Variants in ERC2 observed in about 807,000 individuals in gnomAD.
ERC2 encodes the protein ERC protein 2.
In ERC2, 42 loss-of-function variants were observed where a neutral mutation model predicts 114.8. The observed-to-expected ratio is 0.37, with a 90% CI of 0.29 to 0.47. The LOEUF is 0.47. ERC2 is among the 20% of genes least tolerant of loss of function. The pLI is 0.99. For missense variants in ERC2, 939 were observed against 1,150.7 expected, an observed-to-expected ratio of 0.82 and a Z score of 2.66; for synonymous variants, 454 against 425.5, an observed-to-expected ratio of 1.07 and a Z score of -0.82.
At chr3:56,229,728 G>GA (rs2050482823) in intron 3 of ERC2, among the ~76,000 whole-genome samples, 1 of 151,888 alleles carries the variant, frequency 6.6e-6, no homozygotes, top group Admixed American at 6.6e-5. Flanking sequence ...AATAATAAAT[G>GA]AAAAATGAGA....
Position 55,589,317 on chromosome 3 carries a change from C to A in ERC2, c.*40-78041G>T, listed in dbSNP as rs139872772. On this transcript the variant is annotated intron_variant, in intron 17 of 17. Transcript: ENST00000288221. ...AAAACCATGTGCTTAGAGCACTCAG[C>A]CCAGTGGTTGGTGCGCAAACGAGCA... Among the ~76,000 whole-genome samples the A allele has an allele frequency of 4.4e-3, 671 of 152,070 alleles. 2 individuals carry two copies. Among genetic ancestry groups the A allele is most frequent in the Middle Eastern group, 0.014 (4 of 292 alleles).
chr3:55,794,617 T>G (rs2070328142), intron 14 of ERC2, among the ~76,000 whole-genome samples: 1 of 152,350 alleles, frequency 6.6e-6, no homozygotes, highest in South Asian at 2.1e-4. Context: ...CTTTCATACC[T>G]GTGTGAAAGC....
intron 13 of ERC2, among the ~76,000 whole-genome samples, chr3:55,892,018 G>T (rs1438497031): frequency 6.6e-6 from 1 of 152,044 alleles, no homozygotes; most frequent in African/African-American, 2.4e-5. Context: ...GCATTATTAC[G>T]GTGTGAGTGA....
At chr3:55,576,464 G>A (rs541633003) in intron 17 of ERC2, among the ~76,000 whole-genome samples, 5 of 152,292 alleles carry the variant, frequency 3.3e-5, no homozygotes, top group African/African-American at 1.2e-4. Flanking sequence ...TGAGGAAACC[G>A]ATGCTTAGGG....
chr3:55,989,484 T>C (rs1483391851), intron 11 of ERC2, among the ~76,000 whole-genome samples: 1 of 152,206 alleles, frequency 6.6e-6, no homozygotes, highest in Non-Finnish European at 1.5e-5. Context: ...TGTATGCTAA[T>C]AAAGAGGTAG....
intron 13 of ERC2, among the ~76,000 whole-genome samples, chr3:55,949,444 A>G (rs1416157259): frequency 1.3e-5 from 2 of 152,018 alleles, no homozygotes; most frequent in South Asian, 4.1e-4. Context: ...TCAAGCATCA[A>G]TGTAAAGGGC....
At chr3:56,239,868 C>A (rs1325884940) in intron 3 of ERC2, among the ~76,000 whole-genome samples, 1 of 152,172 alleles carries the variant, frequency 6.6e-6, no homozygotes, top group Non-Finnish European at 1.5e-5. Flanking sequence ...TACAGTTAAG[C>A]AGAACCTCCT....
chr3:55,583,058 G>A (rs755162499), intron 17 of ERC2, among the ~76,000 whole-genome samples: 1 of 152,202 alleles, frequency 6.6e-6, no homozygotes, highest in Non-Finnish European at 1.5e-5. Flanking sequence ...AACATAGTAA[G>A]TACTAATTAG....
intron 13 of ERC2, among the ~76,000 whole-genome samples, chr3:55,911,985 G>A (rs769567278): frequency 8.5e-5 from 13 of 152,140 alleles, no homozygotes; most frequent in Non-Finnish European, 1.5e-4. Flanking sequence ...ACACTTAAAG[G>A]GGCATGCAGA....
chr3:56,291,236 G>A (rs1321625417), intron 3 of ERC2, among the ~76,000 whole-genome samples: 3 of 152,180 alleles, frequency 2.0e-5, no homozygotes, highest in African/African-American at 4.8e-5. Context: ...CAAGGTAAAC[G>A]TCAAACAATG....
rs192756334 is a variant in ERC2 at position 55,628,013 on chromosome 3, T to A, written c.*39+55781A>T. Among the ~76,000 whole-genome samples the A allele has an allele frequency of 2.0e-3, 299 of 152,184 alleles. 1 individual carries two copies. Among genetic ancestry groups the A allele is most frequent in the African/African-American group, 6.7e-3 (280 of 41,532 alleles). ...TTAATTTTGAGTAAGTTTAGAATTT[T>A]TTTCAGAAAATTGTATCTAATTTTT... On this transcript the variant is annotated intron_variant, in intron 17 of 17. Transcript: ENST00000288221.
At chr3:56,429,079 T>C (rs1317029398) in intron 2 of ERC2, among the ~76,000 whole-genome samples, 2 of 152,182 alleles carry the variant, frequency 1.3e-5, no homozygotes, top group African/African-American at 4.8e-5. Context: ...AGTCAGTAAC[T>C]CTTATGTACC....
chr3:56,374,471 G>A (rs74413134), intron 2 of ERC2, among the ~76,000 whole-genome samples: 2,898 of 152,198 alleles, frequency 0.019, 97 homozygotes, highest in African/African-American at 0.067. Context: ...TAGTACTTGT[G>A]ATGTACTTAC....
intron 2 of ERC2, among the ~76,000 whole-genome samples, chr3:56,334,381 C>A (rs2057762018): frequency 6.6e-6 from 1 of 152,172 alleles, no homozygotes; most frequent in African/African-American, 2.4e-5. Context: ...AACCCTTGAG[C>A]CCTCAGTTCC....
At chr3:56,228,698 T>C (rs1397945324) in intron 3 of ERC2, among the ~76,000 whole-genome samples, 1 of 152,230 alleles carries the variant, frequency 6.6e-6, no homozygotes, top group African/African-American at 2.4e-5. Flanking sequence ...CTTTCAGTTC[T>C]TTGGTGTATG....
At chr3:55,848,114 GA>G (rs969929073) in intron 14 of ERC2, among the ~76,000 whole-genome samples, 1 of 151,028 alleles carries the variant, frequency 6.6e-6, no homozygotes, top group South Asian at 2.1e-4. Flanking sequence ...TTATCACTTT[GA>G]AAAAAAACAA....
intron 3 of ERC2, among the ~76,000 whole-genome samples, chr3:56,196,559 T>C (rs1273262083): frequency 2.0e-5 from 3 of 150,258 alleles, no homozygotes; most frequent in Non-Finnish European, 3.0e-5. Flanking sequence ...ATTGAGAAGA[T>C]ATAAGGGAAA....
At chr3:55,836,083 A>G (rs2060868483) in intron 14 of ERC2, among the ~76,000 whole-genome samples, 1 of 151,116 alleles carries the variant, frequency 6.6e-6, no homozygotes, top group Non-Finnish European at 1.5e-5. Flanking sequence ...ACTACAAACC[A>G]CTGCTCAATG....
At chr3:55,900,577 T>C (rs533884958) in intron 13 of ERC2, among the ~76,000 whole-genome samples, 1 of 152,296 alleles carries the variant, frequency 6.6e-6, no homozygotes, top group Non-Finnish European at 1.5e-5. Flanking sequence ...CTATTGATGA[T>C]GACAAATTTC....
Sources: gnomAD v4.1 joint callset for allele counts (sites outside exome capture counted in the v4.1 genomes callset) on GRCh38, gnomAD v4.1.1 for gene constraint, MANE v1.5 for transcripts, NCBI Gene and HGNC (gene_info 2026-07-23, HGNC 2026-07-21) for gene names.